SNTG2: variants seen among roughly 807,000 people sequenced by gnomAD.
SNTG2 encodes syntrophin gamma 2.
SNTG2 carries 74 observed loss-of-function variants against 70.9 expected under a neutral mutation model. That is an observed-to-expected ratio of 1.04 (90% CI 0.86 to 1.27). SNTG2 has a LOEUF of 1.27. SNTG2 is among the 50% of genes most tolerant of loss of function. The pLI, the probability that SNTG2 is intolerant of heterozygous loss-of-function variation, is 0.00. For synonymous variants in SNTG2, 278 were observed against 273.8 expected (o/e 1.02, Z -0.15); for missense variants, 717 against 690.7 (o/e 1.04, Z -0.43).
intron 4 of SNTG2, among the ~76,000 whole-genome samples, chr2:1,127,763 A>G (rs1326563116): frequency 6.6e-6 from 1 of 151,978 alleles, no homozygotes; most frequent in East Asian, 1.9e-4. Flanking sequence ...CAGCAAGTTC[A>G]TTGTTCGTAC....
intron 1 of SNTG2, among the ~76,000 whole-genome samples, chr2:1,073,915 A>T (rs1457695260): frequency 6.6e-6 from 1 of 152,246 alleles, no homozygotes; most frequent in African/African-American, 2.4e-5. Flanking sequence ...AATTTTAAAA[A>T]GATATTTTTC....
At chr2:1,314,846 T>C (rs1014943886) in intron 15 of SNTG2, among the ~76,000 whole-genome samples, 5 of 152,122 alleles carry the variant, frequency 3.3e-5, no homozygotes, top group African/African-American at 1.2e-4. Flanking sequence ...AGAGAGAGTG[T>C]GCAGGGGAAC....
Position 1,256,357 on chromosome 2 carries a change from T to G in SNTG2, c.1006-3013T>G, listed in dbSNP as rs146398073. 17 of 152,298 alleles carry G rather than the reference T, an allele frequency of 1.1e-4. 1 individual carries two copies. In the East Asian group the frequency reaches 3.1e-3, roughly 28 times the overall value. The allele number at this position is 152,298 out of a possible 1,614,324, so 9.4% of individuals were successfully genotyped here. A position where few individuals can be genotyped will look rare whatever the true frequency, so the allele number is the denominator to read the frequency against. Reference sequence around the variant, plus strand: ...ATACAGAGAGGGTTTTGACTAGCTTTCCTAACATTAAGCTCAATTTAGCCA... The same window carrying G: ...ATACAGAGAGGGTTTTGACTAGCTTGCCTAACATTAAGCTCAATTTAGCCA... On this transcript the variant is annotated intron_variant, in intron 12 of 16. Transcript: ENST00000308624.
intron 1 of SNTG2, among the ~76,000 whole-genome samples, chr2:978,286 G>A (rs1445931972): frequency 1.3e-5 from 2 of 152,146 alleles, no homozygotes; most frequent in Non-Finnish European, 2.9e-5. Context: ...AGTATACGTG[G>A]AAAATAGTGG....
intron 14 of SNTG2, among the ~76,000 whole-genome samples, chr2:1,297,209 G>T (rs990194021): frequency 6.6e-6 from 1 of 152,252 alleles, no homozygotes; most frequent in Non-Finnish European, 1.5e-5. Flanking sequence ...GTATCTGCAA[G>T]TGAGGGGAAT....
intron 9 of SNTG2, among the ~76,000 whole-genome samples, chr2:1,221,451 C>T (rs1674821233): frequency 7.7e-6 from 1 of 129,150 alleles, no homozygotes; most frequent in Admixed American, 7.4e-5. Context: ...CTGTCTCTGT[C>T]TCTCTCTGTC....
At chr2:1,166,928 G>A (rs1024957723) in intron 7 of SNTG2, among the ~76,000 whole-genome samples, 1 of 152,128 alleles carries the variant, frequency 6.6e-6, no homozygotes, top group Admixed American at 6.5e-5. Context: ...GACTCCAGGA[G>A]AAAACCACCT....
chr2:1,271,514 A>G (rs898052918), intron 14 of SNTG2, among the ~76,000 whole-genome samples: 1 of 152,186 alleles, frequency 6.6e-6, no homozygotes, highest in African/African-American at 2.4e-5. Flanking sequence ...TCTATCAGAT[A>G]GGATGCCTTT....
intron 1 of SNTG2, among the ~76,000 whole-genome samples, chr2:1,071,274 G>A (rs1332963269): frequency 6.6e-6 from 1 of 150,704 alleles, no homozygotes; most frequent in Non-Finnish European, 1.5e-5. Context: ...ATGATAGACT[G>A]GATTAAGAAA....
At chr2:1,281,318 T>A (rs991818750) in intron 14 of SNTG2, among the ~76,000 whole-genome samples, 1 of 1,366 alleles carries the variant, frequency 7.3e-4, no homozygotes, top group Non-Finnish European at 1.4e-3. Context: ...GTGTGTGTGT[T>A]TGTGTGGTGT....
At chr2:1,351,938 G>A (rs967994340) in intron 16 of SNTG2, among the ~76,000 whole-genome samples, 9 of 152,114 alleles carry the variant, frequency 5.9e-5, no homozygotes, top group Non-Finnish European at 7.4e-5. Context: ...CCTGTACTCA[G>A]TCTTTCCCTC....
chr2:1,111,893 A>T (rs1406361696), intron 4 of SNTG2, among the ~76,000 whole-genome samples: 1 of 151,900 alleles, frequency 6.6e-6, no homozygotes, highest in Non-Finnish European at 1.5e-5. Flanking sequence ...GATCGTGTGT[A>T]CTAAGTGAGG....
chr2:1,331,187 A>G (rs976286978), intron 16 of SNTG2, among the ~76,000 whole-genome samples: 2 of 152,214 alleles, frequency 1.3e-5, no homozygotes, highest in Non-Finnish European at 2.9e-5. Flanking sequence ...TGAGGGTCAG[A>G]GCTGCAATGG....
chr2:1,052,236 ACTGGGC>A (rs1572307208), intron 1 of SNTG2, among the ~76,000 whole-genome samples: 3 of 152,276 alleles, frequency 2.0e-5, no homozygotes, highest in East Asian at 1.9e-4. Context: ...AGAGGAATTC[ACTGGGC>A]CCAGAGCTTA....
intron 16 of SNTG2, among the ~76,000 whole-genome samples, chr2:1,318,797 C>A (rs1335123581): frequency 6.6e-6 from 1 of 152,080 alleles, no homozygotes; most frequent in Non-Finnish European, 1.5e-5. Context: ...GCACCGTAAC[C>A]TTTTGCTGCC....
intron 6 of SNTG2, chr2:1,161,690 G>A (rs4971366): frequency 0.76 from 115,884 of 152,186 alleles, 45,211 homozygotes; most frequent in Non-Finnish European, 0.86. Flanking sequence ...TCTTGTTCGG[G>A]TATTTTAAAG....
At chr2:1,130,503 A>G (rs1667949522) in intron 4 of SNTG2, among the ~76,000 whole-genome samples, 2 of 152,228 alleles carry the variant, frequency 1.3e-5, no homozygotes, top group Admixed American at 1.3e-4. Flanking sequence ...ATTTTAAGAA[A>G]TGACAATTAA....
chr2:1,250,816 GAC>G (rs1456522953), intron 12 of SNTG2, among the ~76,000 whole-genome samples: 1 of 151,988 alleles, frequency 6.6e-6, no homozygotes, highest in East Asian at 1.9e-4. Context: ...GTCCCTCAGA[GAC>G]AGTTTCATCT....
chr2:1,153,032 G>T (rs1669621021), intron 6 of SNTG2, among the ~76,000 whole-genome samples: 1 of 151,934 alleles, frequency 6.6e-6, no homozygotes, highest in African/African-American at 2.4e-5. Context: ...GCTGAGGTGG[G>T]AGAATTGCTT....
Sources: allele counts gnomAD v4.1 joint callset (sites outside exome capture counted in the v4.1 genomes callset), GRCh38; gene constraint gnomAD v4.1.1; transcripts MANE v1.5; gene names NCBI Gene and HGNC (gene_info 2026-07-23, HGNC 2026-07-21).